The following MSN variants were observed in gnomAD, a reference collection of about 807,000 sequenced individuals.
MSN encodes the protein epididymis luminal protein 70.
MSN carries 2 observed loss-of-function variants against 48.0 expected under a neutral mutation model. The ratio of observed to expected loss-of-function variants is 0.04; its 90% CI spans 0.02 to 0.13. The LOEUF is 0.13. MSN is among the 10% of genes least tolerant of loss of function. The pLI is 1.00. For missense variants in MSN, 267 were observed against 470.1 expected, an observed-to-expected ratio of 0.57 and a Z score of 3.99; for synonymous variants, 146 against 166.9, an observed-to-expected ratio of 0.87 and a Z score of 0.97.
intron 1 of MSN, among the ~76,000 whole-genome samples, chrX:65,703,355 C>A (rs2071328149): frequency 9.0e-6 from 1 of 110,711 alleles, no homozygotes; most frequent in Admixed American, 9.7e-5. Flanking sequence ...TATTATTAGA[C>A]CCGTTTTATA....
At chrX:65,677,922 C>T (rs2071017189) in intron 1 of MSN, among the ~76,000 whole-genome samples, 1 of 111,275 alleles carries the variant, frequency 9.0e-6, no homozygotes, top group Non-Finnish European at 1.9e-5. Flanking sequence ...ACTTTGAGTG[C>T]TTGAAGAGTT....
chrX:65,701,067 A>G (rs1393275169), intron 1 of MSN, among the ~76,000 whole-genome samples: 1 of 112,170 alleles, frequency 8.9e-6, no homozygotes, highest in Non-Finnish European at 1.9e-5. Flanking sequence ...TTCCAAGAGC[A>G]TCAAGGAAAG....
intron 1 of MSN, among the ~76,000 whole-genome samples, chrX:65,640,413 C>T (rs2070639851): frequency 9.0e-6 from 1 of 111,718 alleles, no homozygotes; most frequent in African/African-American, 3.3e-5. Flanking sequence ...GGCATGGTGG[C>T]AGGCACATGT....
At chrX:65,674,002 G>T (rs755483361) in intron 1 of MSN, among the ~76,000 whole-genome samples, 1 of 111,268 alleles carries the variant, frequency 9.0e-6, no homozygotes, top group Admixed American at 9.6e-5. Context: ...GCCATGGGAA[G>T]AGCAAGTTCC....
chrX:65,644,747 G>T (rs1221786881), intron 1 of MSN, among the ~76,000 whole-genome samples: 1 of 111,337 alleles, frequency 9.0e-6, no homozygotes, highest in Non-Finnish European at 1.9e-5. Flanking sequence ...CTAGGCAGTG[G>T]AAACATGTCC....
intron 1 of MSN, among the ~76,000 whole-genome samples, chrX:65,701,488 T>C (rs1392652236): frequency 8.9e-6 from 1 of 112,194 alleles, no homozygotes; most frequent in Non-Finnish European, 1.9e-5. Flanking sequence ...ATCAAGGCCA[T>C]GTGTTGTTTC....
At chrX:65,735,535 A>C in intron 8 of MSN, 105 bp downstream of exon 8, 1 of 897,773 alleles carries the variant, frequency 1.1e-6, no homozygotes, top group Non-Finnish European at 1.5e-6. Context: ...AGGACTTCAT[A>C]GATGAGAGGT....
intron 1 of MSN, among the ~76,000 whole-genome samples, chrX:65,647,127 A>G (rs1456912410): frequency 9.0e-6 from 1 of 111,175 alleles, no homozygotes; most frequent in Non-Finnish European, 1.9e-5. Context: ...ACATTAATCA[A>G]CTCAAGACTC....
intron 1 of MSN, among the ~76,000 whole-genome samples, chrX:65,614,051 G>T (rs768356537): frequency 8.9e-6 from 1 of 111,913 alleles, no homozygotes; most frequent in South Asian, 3.7e-4. Flanking sequence ...CTTTGTATAA[G>T]GTGTAAGGAA....
At chrX:65,599,909 A>G (rs2070219996) in intron 1 of MSN, among the ~76,000 whole-genome samples, 1 of 110,912 alleles carries the variant, frequency 9.0e-6, no homozygotes, top group Non-Finnish European at 1.9e-5. Flanking sequence ...GTTGAGTTCT[A>G]TGAAGATTCC....
At chrX:65,637,405 G>GAAAAAAAAA (rs1206835966) in intron 1 of MSN, among the ~76,000 whole-genome samples, 1 of 45,233 alleles carries the variant, frequency 2.2e-5, no homozygotes, top group Non-Finnish European at 4.6e-5. Flanking sequence ...TCCATCTTAA[G>GAAAAAAAAA]AAAAAAAAAA....
At chrX:65,676,522 G>T (rs779341173) in intron 1 of MSN, among the ~76,000 whole-genome samples, 2 of 111,920 alleles carry the variant, frequency 1.8e-5, no homozygotes, top group Non-Finnish European at 3.8e-5. Flanking sequence ...AGTGATCAGG[G>T]CCTAATGAGA....
intron 1 of MSN, among the ~76,000 whole-genome samples, chrX:65,648,019 G>A (rs1478904207): frequency 3.6e-5 from 4 of 110,218 alleles, no homozygotes; most frequent in Non-Finnish European, 3.8e-5. Flanking sequence ...TTGTCCATTC[G>A]ACTGGGCTGG....
chrX:65,728,008 G>A (rs944426117), intron 3 of MSN, 99 bp downstream of exon 3: 56 of 744,292 alleles, frequency 7.5e-5, no homozygotes, highest in African/African-American at 6.8e-4. Flanking sequence ...GGATACCTAG[G>A]GCTGTGTTTG....
At chrX:65,637,087 C>G (rs150734234) in intron 1 of MSN, among the ~76,000 whole-genome samples, 1 of 91,077 alleles carries the variant, frequency 1.1e-5, no homozygotes, top group Non-Finnish European at 2.1e-5. Context: ...AAGATTCGGT[C>G]TCAAAAAAAA....
intron 1 of MSN, among the ~76,000 whole-genome samples, chrX:65,674,487 A>G (rs1263097681): frequency 1.8e-5 from 2 of 111,145 alleles, no homozygotes; most frequent in African/African-American, 6.6e-5. Context: ...GTTTTGCTAT[A>G]GCAAGTTTTT....
At chrX:65,725,933 C>T (rs1019957395) in intron 2 of MSN, among the ~76,000 whole-genome samples, 3 of 112,181 alleles carry the variant, frequency 2.7e-5, no homozygotes, top group Non-Finnish European at 5.6e-5. Context: ...AAGCCATACT[C>T]CCCAATTTGG....
chrX:65,601,438 A>G (rs2070234484), intron 1 of MSN, among the ~76,000 whole-genome samples: 1 of 112,377 alleles, frequency 8.9e-6, no homozygotes, highest in Non-Finnish European at 1.9e-5. Context: ...ATCTCCATTA[A>G]AAGAAGTAGA....
intron 1 of MSN, among the ~76,000 whole-genome samples, chrX:65,645,099 G>A (rs2070685472): frequency 8.9e-6 from 1 of 111,823 alleles, no homozygotes; most frequent in Non-Finnish European, 1.9e-5. Context: ...AGGAGGCCCA[G>A]CCCCACCCTC....
Sources: gnomAD v4.1 joint callset for allele counts (sites outside exome capture counted in the v4.1 genomes callset) on GRCh38, gnomAD v4.1.1 for gene constraint, MANE v1.5 for transcripts, NCBI Gene and HGNC (gene_info 2026-07-23, HGNC 2026-07-21) for gene names.